Variants in SHISA9 observed in about 807,000 individuals in gnomAD.
SHISA9 encodes the protein shisa family member 9.
A neutral mutation model predicts 38.0 loss-of-function variants in SHISA9; 13 were observed. The ratio of observed to expected loss-of-function variants is 0.34; its 90% CI spans 0.22 to 0.54. The LOEUF is 0.54. Among genes scored for constraint, SHISA9 ranks in the 20% least tolerant of loss-of-function variants. The pLI is 0.91. For missense variants in SHISA9, 538 were observed against 575.8 expected (o/e 0.93, Z 0.67); for synonymous variants, 275 against 242.0 (o/e 1.14, Z -1.27).
the SHISA9 span, among the ~76,000 whole-genome samples, chr16:13,292,695 T>C: frequency 1.3e-5 from 2 of 152,122 alleles, no homozygotes; most frequent in African/African-American, 2.4e-5. Flanking sequence ...AGAAGTCTTA[T>C]CTTCAATACA....
chr16:13,268,258 C>T, the SHISA9 span, among the ~76,000 whole-genome samples: 2 of 152,200 alleles, frequency 1.3e-5, no homozygotes, highest in Admixed American at 1.3e-4. Context: ...GCCTGTAATC[C>T]CAGCACTTCA....
chr16:12,928,060 T>C (rs1391367217), intron 2 of SHISA9, among the ~76,000 whole-genome samples: 1 of 152,244 alleles, frequency 6.6e-6, no homozygotes, highest in Non-Finnish European at 1.5e-5. Context: ...AAGGGCATTT[T>C]AACATCAAAC....
chr16:13,558,834 C>T, the SHISA9 span, among the ~76,000 whole-genome samples: 191 of 152,294 alleles, frequency 1.3e-3, 1 homozygote, highest in African/African-American at 4.4e-3. Flanking sequence ...AGTGTTGCCC[C>T]GTTTCCCCTA....
the SHISA9 span, among the ~76,000 whole-genome samples, chr16:13,438,085 C>G: frequency 1.3e-5 from 2 of 152,032 alleles, no homozygotes; most frequent in South Asian, 4.2e-4. Context: ...AGGCTGGTCT[C>G]GAACTCCTGA....
chr16:13,176,924 G>C (rs142633611), intron 2 of SHISA9, among the ~76,000 whole-genome samples: 3 of 152,222 alleles, frequency 2.0e-5, no homozygotes, highest in African/African-American at 7.2e-5. Context: ...ATTCATCTGA[G>C]TGGTTACTCG....
intron 2 of SHISA9, among the ~76,000 whole-genome samples, chr16:13,185,839 A>C (rs937517562): frequency 3.3e-5 from 5 of 152,220 alleles, no homozygotes; most frequent in African/African-American, 7.2e-5. Flanking sequence ...CTCAACAATC[A>C]CCACCCTGAG....
In SHISA9 at chr16:13,235,339, C is replaced by T. The variant is rs1241387405; in HGVS notation, c.1205C>T (p.Thr402Ile). The T allele has an allele frequency of 6.5e-7, 1 of 1,545,408 alleles. No homozygotes were observed. Among genetic ancestry groups the T allele is most frequent in the Non-Finnish European group, 8.7e-7 (1 of 1,146,970 alleles). ...AETGSSDPLG[T>I]RPQHYPPPQP... ...ACAGGCTCCAGCGACCCCTTGGGAA[C>T]TCGCCCCCAGCACTACCCACCCCCA... Residue 402 changes from threonine to isoleucine, a missense_variant, in exon 5 of 5, where the codon ACT becomes ATT. By Grantham distance (89) the Thr-to-Ile change is moderately conservative. Coordinates refer to ENST00000558583, the MANE Select transcript of SHISA9 (RefSeq NM_001145204.3).
the SHISA9 span, among the ~76,000 whole-genome samples, chr16:13,499,199 A>C: frequency 1.3e-5 from 2 of 152,208 alleles, no homozygotes; most frequent in Non-Finnish European, 2.9e-5. Flanking sequence ...CACCTGTCTG[A>C]ATTTCCTGTA....
intron 2 of SHISA9, among the ~76,000 whole-genome samples, chr16:13,015,896 T>TTTCTTTCTTTCTTTCTC (rs2072745239): frequency 7.9e-6 from 1 of 125,826 alleles, no homozygotes; most frequent in African/African-American, 2.8e-5. Flanking sequence ...CTTTCTTTCT[T>TTTCTTTCTTTCTTTCTC]TCTTTCTTTC....
chr16:13,081,707 G>A (rs1445677945), intron 2 of SHISA9, among the ~76,000 whole-genome samples: 1 of 152,014 alleles, frequency 6.6e-6, no homozygotes, highest in Non-Finnish European at 1.5e-5. Flanking sequence ...GTTTTTATTA[G>A]CTGGGCATGG....
At chr16:13,045,117 C>T (rs1501311) in intron 2 of SHISA9, among the ~76,000 whole-genome samples, 118,352 of 152,142 alleles carry the variant, frequency 0.78, 46,504 homozygotes, top group African/African-American at 0.89. Flanking sequence ...ATTCAACATG[C>T]TTGTTATTAT....
chr16:13,166,615 T>C (rs1324742836), intron 2 of SHISA9, among the ~76,000 whole-genome samples: 1 of 152,184 alleles, frequency 6.6e-6, no homozygotes, highest in African/African-American at 2.4e-5. Flanking sequence ...CGCTTGAATG[T>C]CACCACCATG....
At chr16:13,089,826 T>C (rs1317314573) in intron 2 of SHISA9, among the ~76,000 whole-genome samples, 1 of 152,250 alleles carries the variant, frequency 6.6e-6, no homozygotes, top group African/African-American at 2.4e-5. Context: ...ATCTTAATTA[T>C]TTCTTGCCTT....
intron 2 of SHISA9, among the ~76,000 whole-genome samples, chr16:13,036,516 G>T (rs1008097274): frequency 6.6e-6 from 1 of 152,100 alleles, no homozygotes; most frequent in Non-Finnish European, 1.5e-5. Flanking sequence ...ACTTTCTGGG[G>T]TGATGGAAAT....
chr16:13,482,443 A>G, the SHISA9 span, among the ~76,000 whole-genome samples: 1 of 152,202 alleles, frequency 6.6e-6, no homozygotes, highest in African/African-American at 2.4e-5. Flanking sequence ...TTTTCTCATA[A>G]CAACAGTTAT....
intron 1 of SHISA9, chr16:12,909,663 A>G: frequency 2.1e-6 from 2 of 954,442 alleles, no homozygotes; most frequent in Non-Finnish European, 1.2e-6. Context: ...CTTCTCTGAG[A>G]AGCCGTCCCT....
At position 13,186,458 on chromosome 16, in the gene SHISA9, C is replaced by T. The variant is rs551334233; in HGVS notation, c.692-16936C>T. ...AATTACAGGTGCATGCCACCACACC[C>T]GGCTAATTTTTGTATTTTTAGTAGA... On this transcript the variant is annotated intron_variant, in intron 2 of 4. Coordinates refer to ENST00000558583, the MANE Select transcript of SHISA9 (RefSeq NM_001145204.3). 2.8e-4 allele frequency among the ~76,000 whole-genome samples: 42 copies of T among 151,578 alleles called. 1 individual carries two copies. The highest frequency in any genetic ancestry group is 9.0e-4 in the African/African-American group (37 of 41,302).
At chr16:13,011,175 C>A (rs181188831) in intron 2 of SHISA9, among the ~76,000 whole-genome samples, 1 of 151,956 alleles carries the variant, frequency 6.6e-6, no homozygotes, top group African/African-American at 2.4e-5. Flanking sequence ...AGACAGTGAA[C>A]CTTTCTTTTA....
At chr16:12,922,627 C>G (rs1414180154) in intron 2 of SHISA9, among the ~76,000 whole-genome samples, 3 of 152,250 alleles carry the variant, frequency 2.0e-5, no homozygotes, top group African/African-American at 4.8e-5. Context: ...TCAAGCGATT[C>G]TCCTGCCTCA....
Sources: gnomAD v4.1 joint callset for allele counts (sites outside exome capture counted in the v4.1 genomes callset) on GRCh38, gnomAD v4.1.1 for gene constraint, MANE v1.5 for transcripts, NCBI Gene and HGNC (gene_info 2026-07-23, HGNC 2026-07-21) for gene names.